Variants in LPL observed in about 807,000 individuals in gnomAD.
LPL encodes phospholipase A1.
LPL carries 43 observed loss-of-function variants against 52.2 expected under a neutral mutation model. That is an observed-to-expected ratio of 0.82 (90% CI 0.64 to 1.06). The LOEUF is 1.06. Ranked by LOEUF, LPL falls within the 50% of genes least tolerant of loss-of-function variation. LPL has a pLI of 0.00. For missense variants in LPL, 639 were observed against 585.3 expected (o/e 1.09, Z -0.95); for synonymous variants, 244 against 215.6 (o/e 1.13, Z -1.15).
chr8:19,951,916 C>G lies in LPL; in HGVS notation c.397C>G (p.Gln133Glu), dbSNP rs118204058. The G allele has an allele frequency of 1.9e-6, 3 of 1,614,098 alleles. No individual in the cohort carries two copies. The highest frequency in any genetic ancestry group is 4.5e-5 in the East Asian group (2 of 44,884). Residue 133 changes from glutamine to glutamate, a missense_variant, in exon 3 of 10, where the codon CAG (glutamine) becomes GAG (glutamate). Physicochemically the swap from Gln to Glu is conservative, Grantham distance 29. Coordinates refer to ENST00000650287, the MANE Select transcript of LPL (RefSeq NM_000237.3). ...CGCGGGCTACACCAAACTGGTGGGACAGGATGTGGCCCGGTTTATCAACTG... is the reference window on the plus strand; with the variant it reads ...CGCGGGCTACACCAAACTGGTGGGAGAGGATGTGGCCCGGTTTATCAACTG... ...VSAGYTKLVGQDVARFINWME... is the reference protein window; with the variant it reads ...VSAGYTKLVGEDVARFINWME...
At position 19,944,751 on chromosome 8, in the gene LPL, T is replaced by C. The variant is rs1414301802; in HGVS notation, c.89-3429T>C. Reference sequence around the variant, plus strand: ...ATTATCTATGTTAGAATAAATTCTTTGTCTTTGTTTACACACTCAGATTTG... The same window carrying C: ...ATTATCTATGTTAGAATAAATTCTTCGTCTTTGTTTACACACTCAGATTTG... On this transcript the variant is annotated intron_variant, in intron 1 of 9. Transcript: ENST00000650287. The surrounding 1 kb of genome is among the most constrained non-coding windows in gnomAD (Gnocchi z 4.2). Among the ~76,000 whole-genome samples the C allele has an allele frequency of 6.6e-6, 1 of 152,230 alleles. No homozygotes were observed. Among genetic ancestry groups the C allele is most frequent in the Non-Finnish European group, 1.5e-5 (1 of 68,030 alleles).
intron 1 of LPL, among the ~76,000 whole-genome samples, chr8:19,945,752 A>C (rs926251418): frequency 1.3e-5 from 2 of 152,256 alleles, no homozygotes; most frequent in Non-Finnish European, 2.9e-5. Flanking sequence ...AAGTGGACTA[A>C]AAGTGAATGG....
At position 19,950,959 on chromosome 8, in the gene LPL, A is replaced by G. The variant is rs187153590; in HGVS notation, c.250-810A>G. ...GGAGGGAGGAAGAAAGGAAGGAAGA[A>G]CAAAGAAAAGAGAAACACTGGTAGT... On this transcript the variant is annotated intron_variant, in intron 2 of 9. Coordinates refer to ENST00000650287, the MANE Select transcript of LPL (RefSeq NM_000237.3). The surrounding 1 kb of genome is among the most constrained non-coding windows in gnomAD (Gnocchi z 4.2). Among the ~76,000 whole-genome samples the G allele has an allele frequency of 6.8e-6, 1 of 146,546 alleles. No individual in the cohort carries two copies. The highest frequency in any genetic ancestry group is 2.5e-5 in the African/African-American group (1 of 39,944).
chr8:19,964,664 G>T (rs551064233), intron 9 of LPL, among the ~76,000 whole-genome samples: 26 of 152,242 alleles, frequency 1.7e-4, no homozygotes, highest in African/African-American at 6.0e-4. Flanking sequence ...AAGTAGCTGG[G>T]ATTATAGGTG....
chr8:19,942,802 C>A (rs1329793984), intron 1 of LPL, among the ~76,000 whole-genome samples: 1 of 152,180 alleles, frequency 6.6e-6, no homozygotes, highest in Admixed American at 6.5e-5. Context: ...TCTGTGTGCA[C>A]TGACACCATT....
At chr8:19,961,106 C>T in intron 8 of LPL, 23 bp downstream of exon 8, 1 of 1,609,324 alleles carries the variant, frequency 6.2e-7, no homozygotes, top group South Asian at 1.1e-5. Flanking sequence ...ATTTTTCTTC[C>T]TTCACTTTAG....
rs247 is a variant in LPL, at chr8:19,953,280, A to C, written c.430-30A>C. ...TTAGTTTTATTTTTGGCAGAACTGT[A>C]AGCACCTTCATTTTCTTTTTCTTCC... On this transcript the variant is annotated intron_variant, in intron 3 of 9. Coordinates refer to ENST00000650287, the MANE Select transcript of LPL (RefSeq NM_000237.3). 5,792 of 1,349,676 alleles carry C rather than the reference A, an allele frequency of 4.3e-3. 162 individuals are homozygous for C. In the African/African-American group the frequency reaches 0.066, roughly 15 times the overall value. The allele number at this position is 1,349,676 out of a possible 1,614,324, so 83.6% of individuals were successfully genotyped here. A position where few individuals can be genotyped will look rare whatever the true frequency, so the allele number is the denominator to read the frequency against.
Position 19,960,917 on chromosome 8 carries a change from A to G in LPL, c.1156A>G (p.Asn386Asp), listed in dbSNP as rs760191608. The change falls in exon 8 of 10, where the codon AAT (asparagine) becomes GAT (aspartate). Residue 386 changes from asparagine to aspartate, a missense_variant. By Grantham distance (23) the Asn-to-Asp change is conservative (BLOSUM62 1). Transcript: ENST00000650287. Reference sequence around the variant, plus strand: ...TTTGTTTAGGCCTGAAGTTTCCACAAATAAGACCTACTCCTTCCTAATTTA... The same window carrying G: ...TTTGTTTAGGCCTGAAGTTTCCACAGATAAGACCTACTCCTTCCTAATTTA... ...IPFTLPEVST[N>D]KTYSFLIYTE... 3.1e-6 allele frequency: 5 copies of G among 1,613,908 alleles called. No homozygotes were observed. Among genetic ancestry groups the G allele is most frequent in the Non-Finnish European group, 2.5e-6 (3 of 1,179,924 alleles).
At chr8:19,958,627 G>A (rs1325547429) in intron 6 of LPL, among the ~76,000 whole-genome samples, 2 of 152,178 alleles carry the variant, frequency 1.3e-5, no homozygotes, top group South Asian at 2.1e-4. Context: ...TTGGTTACAT[G>A]AGTAAGTTCT....
rs375834511 is a variant in LPL, at chr8:19,965,343, T to C, written c.*33T>C. The C allele has an allele frequency of 1.3e-6, 1 of 780,616 alleles. No individual in the cohort carries two copies. The highest frequency in any genetic ancestry group is 1.7e-5 in the African/African-American group (1 of 59,260). 48.4% of individuals were successfully genotyped at this position (780,616 alleles called of 1,614,324 possible). ...CGAATCTACAGAACAAAGAACGGCA[T>C]GTGAATTCTGTGAAGAATGAAGTGG... is the stretch of plus-strand genomic sequence containing the variant. On this transcript the variant is annotated 3_prime_UTR_variant, in exon 10 of 10. Coordinates refer to ENST00000650287, the MANE Select transcript of LPL (RefSeq NM_000237.3).
chr8:19,952,002 C>T, intron 3 of LPL, 54 bp downstream of exon 3: 4 of 1,587,720 alleles, frequency 2.5e-6, no homozygotes, highest in Non-Finnish European at 2.6e-6. Context: ...TTGACTGGAG[C>T]CAGAAAACCG....
At chr8:19,954,049 G>T in intron 4 of LPL, 71 bp from the exon 5 acceptor site, 1 of 1,021,458 alleles carries the variant, frequency 9.8e-7, no homozygotes, top group South Asian at 1.3e-5. Flanking sequence ...TTCAAATGAT[G>T]AGCAGTGACA....
In LPL at chr8:19,955,925, A is replaced by C; in HGVS notation, c.860A>C (p.Lys287Thr). ...CTGTTGAATGAAGAAAATCCAAGTA[A>C]GGCCTACAGGTGCAGTTCCAAGGAA... ...DSLLNEENPS[K>T]AYRCSSKEAF... is the part of the protein sequence containing the mutation. Residue 287 changes from lysine to threonine, a missense_variant, in exon 6 of 10, where the codon AAG becomes ACG. By Grantham distance (78) the Lys-to-Thr change is moderately conservative. Transcript: ENST00000650287. The C allele has an allele frequency of 6.2e-7, 1 of 1,614,180 alleles. No individual in the cohort carries two copies. Among genetic ancestry groups the C allele is most frequent in the South Asian group, 1.1e-5 (1 of 91,084 alleles).
chr8:19,940,660 G>T (rs917842976), intron 1 of LPL, among the ~76,000 whole-genome samples: 1 of 152,264 alleles, frequency 6.6e-6, no homozygotes, highest in Non-Finnish European at 1.5e-5. Context: ...CAATTAGGGC[G>T]GTGTCGCTTG....
intron 1 of LPL, 115 bp from the exon 2 acceptor site, chr8:19,948,065 T>C (rs2069898659): frequency 3.4e-6 from 4 of 1,170,282 alleles, no homozygotes; most frequent in Non-Finnish European, 5.1e-6. Context: ...TCGAAAACAC[T>C]TCAGAAACAA....
In LPL at chr8:19,939,549, C is replaced by T. The variant is rs1357784237; in HGVS notation, c.88+21C>T. 1 of 1,600,276 alleles carries T rather than the reference C, an allele frequency of 6.2e-7. No homozygotes were observed. Among genetic ancestry groups the T allele is most frequent in the Non-Finnish European group, 8.5e-7 (1 of 1,174,530 alleles). ...CGACCGTAAGTTTTGCGCGCAAACTCCCCTCCACCTGCAGACCCGGCGGGT... is the reference window on the plus strand; with the variant it reads ...CGACCGTAAGTTTTGCGCGCAAACTTCCCTCCACCTGCAGACCCGGCGGGT... On this transcript the variant is annotated intron_variant, in intron 1 of 9. Transcript: ENST00000650287. The surrounding 1 kb of genome is among the most constrained non-coding windows in gnomAD (Gnocchi z 4.0).
At chr8:19,957,786 C>G (rs2128838898) in intron 6 of LPL, among the ~76,000 whole-genome samples, 1 of 152,122 alleles carries the variant, frequency 6.6e-6, no homozygotes, top group African/African-American at 2.4e-5. Context: ...ATCAGAAGTT[C>G]ACAACATTTA....
intron 6 of LPL, among the ~76,000 whole-genome samples, chr8:19,957,086 G>A (rs182356021): frequency 1.3e-5 from 2 of 152,246 alleles, no homozygotes; most frequent in African/African-American, 4.8e-5. Flanking sequence ...GGCCTCATCT[G>A]TCTTTTTAAA....
chr8:19,948,558 T>A (rs2069903874), intron 2 of LPL: 1 of 551,838 alleles, frequency 1.8e-6, no homozygotes, highest in African/African-American at 1.9e-5. Flanking sequence ...ACACTGTACC[T>A]GGTTGGTGCC....
Sources: gnomAD v4.1 joint callset for allele counts (sites outside exome capture counted in the v4.1 genomes callset) on GRCh38, gnomAD v4.1.1 for gene constraint, Gnocchi (gnomAD v3.1) non-coding constraint, MANE v1.5 for transcripts, NCBI Gene and HGNC (gene_info 2026-07-23, HGNC 2026-07-21) for gene names.